The following NCOR1 variants were observed in gnomAD, a reference collection of about 807,000 sequenced individuals.
NCOR1 encodes the protein protein phosphatase 1, regulatory subunit 109.
In NCOR1, 63 loss-of-function variants were observed where a neutral mutation model predicts 288.1. The observed-to-expected ratio is 0.22, with a 90% CI of 0.18 to 0.27. The LOEUF is 0.27. NCOR1 is among the 10% of genes least tolerant of loss of function. The pLI, the probability that NCOR1 is intolerant of heterozygous loss-of-function variation, is 1.00. For missense variants in NCOR1, 2,397 were observed against 3,019.2 expected, an observed-to-expected ratio of 0.79 and a Z score of 4.83; for synonymous variants, 1,007 against 1,065.9, an observed-to-expected ratio of 0.94 and a Z score of 1.08.
intron 3 of NCOR1, among the ~76,000 whole-genome samples, chr17:16,180,990 C>G (rs753523912): frequency 1.6e-4 from 25 of 152,086 alleles, no homozygotes; most frequent in Non-Finnish European, 2.8e-4. Flanking sequence ...GAAACCCTGT[C>G]TCTACTAAAA....
At chr17:16,136,692 A>G (rs1217824212) in intron 14 of NCOR1, among the ~76,000 whole-genome samples, 1 of 151,800 alleles carries the variant, frequency 6.6e-6, no homozygotes, top group Non-Finnish European at 1.5e-5. Context: ...CTGTAGTCCC[A>G]GCTACTCAGG....
chr17:16,058,726 G>T, intron 37 of NCOR1, 127 bp from the exon 38 acceptor site: 1 of 1,005,914 alleles, frequency 9.9e-7, no homozygotes, highest in East Asian at 2.6e-5. Context: ...AGGTTAATGA[G>T]GGTTTTCTGA....
chr17:16,041,447 C>G (rs1225985305), intron 42 of NCOR1, among the ~76,000 whole-genome samples: 1 of 56,530 alleles, frequency 1.8e-5, no homozygotes, highest in Non-Finnish European at 3.5e-5. Context: ...GTGTTTTATT[C>G]TTGTCACCCA....
chr17:16,098,663 AAC>A, intron 20 of NCOR1, 167 bp from the exon 21 acceptor site: 1 of 496,152 alleles, frequency 2.0e-6, no homozygotes, highest in Non-Finnish European at 3.3e-6. Flanking sequence ...AGGAAAAAGG[AAC>A]CTACAAAGCT....
chr17:16,163,663 G>T (rs2081361436), intron 5 of NCOR1, among the ~76,000 whole-genome samples: 1 of 152,182 alleles, frequency 6.6e-6, no homozygotes, highest in Non-Finnish European at 1.5e-5. Flanking sequence ...GATATATAAA[G>T]AAAATTGTAA....
At chr17:16,202,592 G>A (rs1370743441) in intron 1 of NCOR1, among the ~76,000 whole-genome samples, 8 of 152,236 alleles carry the variant, frequency 5.3e-5, no homozygotes, top group African/African-American at 1.7e-4. Flanking sequence ...CATTTACTGA[G>A]CTCTAGATAT....
At position 16,058,036 on chromosome 17, in the gene NCOR1, T is replaced by C. The variant is rs1267701302; in HGVS notation, c.6039A>G (p.Pro2013=). 1 of 1,614,140 alleles carries C rather than the reference T, an allele frequency of 6.2e-7. No individual in the cohort carries two copies. Among genetic ancestry groups the C allele is most frequent in the Admixed American group, 1.7e-5 (1 of 60,014 alleles). Residue 2013 remains proline (P), a synonymous_variant, in exon 39 of 46, where the codon CCA becomes CCG. Coordinates refer to ENST00000268712, the MANE Select transcript of NCOR1 (RefSeq NM_006311.4). ...ENDPTRQYEG[P]LHHYRPQQES... is the part of the protein sequence containing the mutation. ...CCTGCTGTGGTCGATAGTGATGTAA[T>C]GGTCCTTCATATTGTCTGGTAGGAT...
At chr17:16,163,346 G>A (rs2081277387) in intron 5 of NCOR1, among the ~76,000 whole-genome samples, 1 of 152,062 alleles carries the variant, frequency 6.6e-6, no homozygotes, top group Non-Finnish European at 1.5e-5. Context: ...TAAATAATGA[G>A]CAAACAATCT....
chr17:16,064,420 T>C (rs1319653662), intron 34 of NCOR1, among the ~76,000 whole-genome samples: 3 of 151,856 alleles, frequency 2.0e-5, no homozygotes, highest in Non-Finnish European at 4.4e-5. Context: ...GGCAACATAG[T>C]GAGACCCTGT....
At position 16,171,829 on chromosome 17, in the gene NCOR1, G is replaced by A. The variant is rs185231043; in HGVS notation, c.409C>T (p.Leu137=). The A allele has an allele frequency of 6.2e-7, 1 of 1,608,624 alleles. No homozygotes were observed. Among genetic ancestry groups the A allele is most frequent in the Non-Finnish European group, 8.5e-7 (1 of 1,177,894 alleles). The stretch of plus-strand genomic sequence containing the variant: ...TTCTTAGCATCTGCAGAAGCCCTCA[G>A]CCCTTCTGGCAGCGGGTGCACTAAA... The part of the protein sequence containing the change: ...LPLVHPLPEG[L]RASADAKKDP... Residue 137 remains leucine, a synonymous_variant, in exon 4 of 46, where the codon CTG becomes TTG. Transcript: ENST00000268712.
chr17:16,049,333 G>C (rs1442905806), intron 40 of NCOR1: 1 of 164,702 alleles, frequency 6.1e-6, no homozygotes, highest in African/African-American at 2.4e-5. Flanking sequence ...TGGCTCCTTA[G>C]TCCAGGTGAA....
intron 44 of NCOR1, among the ~76,000 whole-genome samples, chr17:16,035,636 T>C (rs1259402917): frequency 6.6e-6 from 1 of 151,456 alleles, no homozygotes; most frequent in Admixed American, 6.6e-5. Context: ...CTCAACTTCT[T>C]GGGCTCAAGC....
intron 37 of NCOR1, 21 bp from the exon 38 acceptor site, chr17:16,058,620 A>G: frequency 6.3e-7 from 1 of 1,584,464 alleles, no homozygotes; most frequent in Non-Finnish European, 8.6e-7. Flanking sequence ...AGAAAATCTT[A>G]TTTCAAAACT....
rs774509298 is a variant in NCOR1, at chr17:16,030,117, T to C, written c.*2179A>G. The C allele has an allele frequency of 1.5e-4, 27 of 183,426 alleles. No individual in the cohort carries two copies. The highest frequency in any genetic ancestry group is 2.2e-4 in the Non-Finnish European group (19 of 86,426). 11.4% of individuals were successfully genotyped at this position (183,426 alleles called of 1,614,324 possible). A position where few individuals can be genotyped will look rare whatever the true frequency, so the allele number is the denominator to read the frequency against. On this transcript the variant is annotated 3_prime_UTR_variant, in exon 46 of 46. Transcript: ENST00000268712. ...GATTGACACATATTTTGTATATGTA[T>C]TATATACTGTATTCTTACAATAAAG...
chr17:16,139,238 G>C (rs1397393457), intron 11 of NCOR1, 52 bp from the exon 12 acceptor site: 3 of 1,488,224 alleles, frequency 2.0e-6, no homozygotes, highest in Admixed American at 1.8e-5. Flanking sequence ...AGAAATTTAA[G>C]GAGGGCCATG....
chr17:16,179,666 A>C (rs991183711), intron 3 of NCOR1, among the ~76,000 whole-genome samples: 2 of 152,230 alleles, frequency 1.3e-5, no homozygotes, highest in African/African-American at 4.8e-5. Flanking sequence ...TAAGTCAAGG[A>C]CATCACAAGA....
At chr17:16,121,315 A>G (rs762823388) in intron 15 of NCOR1, 46 bp from the exon 16 acceptor site, 3 of 1,491,356 alleles carry the variant, frequency 2.0e-6, no homozygotes, top group East Asian at 2.3e-5. Flanking sequence ...CAAAGTATAC[A>G]TACATCGAAG....
chr17:16,192,377 C>T (rs1009000389), intron 2 of NCOR1, among the ~76,000 whole-genome samples: 9 of 152,074 alleles, frequency 5.9e-5, no homozygotes, highest in Non-Finnish European at 1.2e-4. Flanking sequence ...TAGCTGGGGC[C>T]GGGCACAGTG....
At chr17:16,126,298 A>T in intron 14 of NCOR1, 92 bp from the exon 15 acceptor site, 5 of 1,289,958 alleles carry the variant, frequency 3.9e-6, no homozygotes, top group South Asian at 3.9e-5. Context: ...AAAAAATTTT[A>T]AATGATTGTT....
Sources: gnomAD v4.1 joint callset for allele counts (sites outside exome capture counted in the v4.1 genomes callset) on GRCh38, gnomAD v4.1.1 for gene constraint, MANE v1.5 for transcripts, NCBI Gene and HGNC (gene_info 2026-07-23, HGNC 2026-07-21) for gene names.